TMCC2: variants seen among roughly 807,000 people sequenced by gnomAD.
TMCC2 encodes the protein transmembrane and coiled-coil domains protein 2.
In TMCC2, 16 loss-of-function variants were observed where a neutral mutation model predicts 49.4. The ratio of observed to expected loss-of-function variants is 0.32; its 90% CI spans 0.22 to 0.49. TMCC2 has a LOEUF of 0.49. Among genes scored for constraint, TMCC2 ranks in the 20% least tolerant of loss-of-function variants. The probability of loss-of-function intolerance (pLI) is 0.99; values close to 1 mark genes in which losing one functional copy is unlikely to be tolerated. For missense variants in TMCC2, 762 were observed against 989.8 expected (o/e 0.77, Z 3.09); for synonymous variants, 397 against 434.1 (o/e 0.91, Z 1.06).
Position 205,272,735 on chromosome 1 carries a change from G to A in TMCC2, c.*611G>A, listed in dbSNP as rs1483071772. 1 of 154,052 alleles carries A rather than the reference G, an allele frequency of 6.5e-6. No homozygotes were observed. Among genetic ancestry groups the A allele is most frequent in the African/African-American group, 2.4e-5 (1 of 41,444 alleles). The allele number at this position is 154,052 out of a possible 1,614,324, so 9.5% of individuals were successfully genotyped here. A position where few individuals can be genotyped will look rare whatever the true frequency, so the allele number is the denominator to read the frequency against. ...TGATTTGAGGCCTCCTTCTGGGGCT[G>A]GGCTCTGCAGGCCAGGTGGGTGTGG... On this transcript the variant is annotated 3_prime_UTR_variant, in exon 5 of 5. Coordinates refer to ENST00000358024, the MANE Select transcript of TMCC2 (RefSeq NM_014858.4).
In TMCC2 at chr1:205,269,483, G is replaced by A. The variant is rs2102614968; in HGVS notation, c.1281G>A (p.Glu427=). Residue 427 remains glutamate, a synonymous_variant, in exon 3 of 5, where the codon GAG becomes GAA. Transcript: ENST00000358024. The stretch of plus-strand genomic sequence containing the variant: ...CCGCCGTGGTGTCCAAGCCCCGGGA[G>A]TTTGCCAGCCTCATCCGCAACAAGT... ...THTAVVSKPR[E]FASLIRNKFG... is the part of the protein sequence containing the mutation. 1 of 1,608,036 alleles carries A rather than the reference G, an allele frequency of 6.2e-7. No individual in the cohort carries two copies. Among genetic ancestry groups the A allele is most frequent in the East Asian group, 2.2e-5 (1 of 44,704 alleles).
chr1:205,234,951 G>A (rs1558641742), intron 1 of TMCC2, among the ~76,000 whole-genome samples: 1 of 152,102 alleles, frequency 6.6e-6, no homozygotes, highest in African/African-American at 2.4e-5. Context: ...GAGCCACTGC[G>A]CACGGCCTAG....
At chr1:205,266,412 G>T in intron 2 of TMCC2, among the ~76,000 whole-genome samples, 1 of 151,322 alleles carries the variant, frequency 6.6e-6, no homozygotes, top group East Asian at 2.0e-4. Flanking sequence ...CCAACATGGC[G>T]AAACTCCATT....
intron 2 of TMCC2, among the ~76,000 whole-genome samples, chr1:205,250,358 T>G (rs763380080): frequency 8.6e-5 from 13 of 151,680 alleles, no homozygotes; most frequent in Non-Finnish European, 1.6e-4. Context: ...CTGGCCAACA[T>G]GAGGAAACCC....
chr1:205,271,035 T>A, intron 3 of TMCC2, 85 bp from the exon 4 acceptor site: 1 of 1,558,224 alleles, frequency 6.4e-7, no homozygotes, highest in Non-Finnish European at 8.7e-7. Flanking sequence ...AGTCATTGTT[T>A]ATTGAGAGAA....
intron 1 of TMCC2, 64 bp downstream of exon 1, chr1:205,228,835 A>G: frequency 6.6e-7 from 1 of 1,521,510 alleles, no homozygotes; most frequent in South Asian, 1.2e-5. Context: ...CCCCACGCAG[A>G]AGTGCTTTAA....
At position 205,269,392 on chromosome 1, in the gene TMCC2, G is replaced by A; in HGVS notation, c.1190G>A (p.Gly397Asp). The A allele has an allele frequency of 6.2e-7, 1 of 1,608,292 alleles. No individual in the cohort carries two copies. The highest frequency in any genetic ancestry group is 8.5e-7 in the Non-Finnish European group (1 of 1,176,200). Residue 397 changes from glycine to aspartate, a missense_variant, in exon 3 of 5, where the codon GGC becomes GAC. By Grantham distance (94) the Gly-to-Asp change is moderately conservative (BLOSUM62 -1). Transcript: ENST00000358024. ...GCCAACGTGCGCGCAGGCATCAGCG[G>A]CTTTGGGGGCGGCGTGGTGGAGGGC... ...VGANVRAGIS[G>D]FGGGVVEGVK...
chr1:205,228,837 G>A (rs1659669298), intron 1 of TMCC2, 66 bp downstream of exon 1: 1 of 1,518,128 alleles, frequency 6.6e-7, no homozygotes, highest in Middle Eastern at 2.4e-4. Flanking sequence ...CCACGCAGAA[G>A]TGCTTTAACA....
At position 205,269,420 on chromosome 1, in the gene TMCC2, C is replaced by G. The variant is rs138392378; in HGVS notation, c.1218C>G (p.Val406=). The G allele has an allele frequency of 8.1e-6, 13 of 1,605,762 alleles. No homozygotes were observed. In the African/African-American group the frequency reaches 1.7e-4, roughly 21 times the overall value. The change falls in exon 3 of 5, where the codon GTC becomes GTG. Residue 406 remains valine (V), a synonymous_variant. Transcript: ENST00000358024. The part of the protein sequence containing the change: ...SGFGGGVVEG[V]KGSLSGLSQA... ...TTGGGGGCGGCGTGGTGGAGGGCGT[C>G]AAGGGCAGCCTCTCTGGCCTCTCAC...
At chr1:205,258,862 C>T (rs938475753) in intron 2 of TMCC2, among the ~76,000 whole-genome samples, 4 of 152,226 alleles carry the variant, frequency 2.6e-5, no homozygotes, top group Admixed American at 1.3e-4. Flanking sequence ...ACCTCCCCTT[C>T]CATCTGAGAA....
At chr1:205,270,595 G>A (rs1296755833) in intron 3 of TMCC2, among the ~76,000 whole-genome samples, 1 of 152,174 alleles carries the variant, frequency 6.6e-6, no homozygotes, top group Non-Finnish European at 1.5e-5. Context: ...ATATAAAGAA[G>A]GCTTGGAAAA....
chr1:205,257,131 C>G (rs1660906128), intron 2 of TMCC2: 1 of 1,230,336 alleles, frequency 8.1e-7, no homozygotes, highest in African/African-American at 1.6e-5. Flanking sequence ...AGGAGCAGCC[C>G]GTGAGCCCCA....
chr1:205,229,137 C>T (rs548785575), intron 1 of TMCC2: 5 of 1,116,964 alleles, frequency 4.5e-6, no homozygotes, highest in South Asian at 5.1e-5. Flanking sequence ...GAGTAAGTCT[C>T]TACCCATTGG....
At position 205,272,453 on chromosome 1, in the gene TMCC2, A is replaced by G; in HGVS notation, c.*329A>G. On this transcript the variant is annotated 3_prime_UTR_variant, in exon 5 of 5. Transcript: ENST00000358024. ...ACCCTCAGGATGCCCCAAGTCAGGAAGACCATTAAGAATAGGAGGAGAGGG... is the reference window on the plus strand; with the variant it reads ...ACCCTCAGGATGCCCCAAGTCAGGAGGACCATTAAGAATAGGAGGAGAGGG... The G allele has an allele frequency of 2.9e-6, 1 of 341,756 alleles. No individual in the cohort carries two copies. Among genetic ancestry groups the G allele is most frequent in the East Asian group, 6.0e-5 (1 of 16,574 alleles). The allele number at this position is 341,756 out of a possible 1,614,324, so 21.2% of individuals were successfully genotyped here.
rs559819730 is a variant in TMCC2, at chr1:205,259,121, C to T, written c.748-9829C>T. On this transcript the variant is annotated intron_variant, in intron 2 of 4. Coordinates refer to ENST00000358024, the MANE Select transcript of TMCC2 (RefSeq NM_014858.4). ...ACAAGCCAGGGTTGACACCTGACTC[C>T]ATTGTCAGGATGACTGGGCTGCCCT... 2.6e-5 allele frequency among the ~76,000 whole-genome samples: 4 copies of T among 152,290 alleles called. No homozygotes were observed. The East Asian group carries it at 7.7e-4, about 29-fold the overall frequency.
intron 2 of TMCC2, among the ~76,000 whole-genome samples, chr1:205,245,806 T>G (rs1166886682): frequency 6.6e-6 from 1 of 152,054 alleles, no homozygotes; most frequent in Non-Finnish European, 1.5e-5. Context: ...CCAATTTTTT[T>G]TTTTTTTTTT....
chr1:205,229,562 T>TGGGGGGGGGGGG (rs1659707258), intron 1 of TMCC2: 2 of 453,360 alleles, frequency 4.4e-6, no homozygotes, highest in African/African-American at 1.3e-4. Flanking sequence ...GGGGGGGTGG[T>TGGGGGGGGGGGG]GGCGGGGGCG....
chr1:205,270,193 C>T (rs756545565), intron 3 of TMCC2, among the ~76,000 whole-genome samples: 4 of 152,108 alleles, frequency 2.6e-5, no homozygotes, highest in Admixed American at 6.5e-5. Flanking sequence ...ATTACAGGCA[C>T]GCACCACTAC....
chr1:205,242,519 T>C (rs917287970), intron 2 of TMCC2, among the ~76,000 whole-genome samples: 2 of 152,208 alleles, frequency 1.3e-5, no homozygotes, highest in African/African-American at 4.8e-5. Context: ...ATCTTTACTA[T>C]TGGCACCAAC....
Sources: allele counts gnomAD v4.1 joint callset (sites outside exome capture counted in the v4.1 genomes callset), GRCh38; gene constraint gnomAD v4.1.1; transcripts MANE v1.5; gene names NCBI Gene and HGNC (gene_info 2026-07-23, HGNC 2026-07-21).